The following ELF1 variants were observed in gnomAD, a reference collection of about 807,000 sequenced individuals.
The protein encoded by ELF1 is E74 like ETS transcription factor 1.
Under a neutral mutation model 59.9 loss-of-function variants are expected in ELF1, and 24 were observed. That is an observed-to-expected ratio of 0.40 (90% CI 0.29 to 0.56). The LOEUF (loss-of-function observed/expected upper bound fraction) is 0.56, where lower values mean the gene tolerates loss of function less well. Among genes scored for constraint, ELF1 ranks in the 20% least tolerant of loss-of-function variants. The pLI is 0.44. For synonymous variants in ELF1, 248 were observed against 266.2 expected (o/e 0.93, Z 0.67); for missense variants, 627 against 742.2 (o/e 0.84, Z 1.80).
chr13:40,950,677 A>G (rs1262765378), intron 4 of ELF1, among the ~76,000 whole-genome samples: 2 of 152,188 alleles, frequency 1.3e-5, no homozygotes, highest in Non-Finnish European at 2.9e-5. Flanking sequence ...GCAATTCGCT[A>G]TCACTCTTGT....
rs960292615 is a variant in ELF1 at position 40,933,164 on chromosome 13, T to C, written c.*261A>G. On this transcript the variant is annotated 3_prime_UTR_variant, in exon 9 of 9. Coordinates refer to ENST00000239882, the MANE Select transcript of ELF1 (RefSeq NM_172373.4). The stretch of plus-strand genomic sequence containing the variant: ...AGAAACTTTAAAAATGCTTATGATA[T>C]AGCAACTGAAATAAAAATCTCAAAA... 9.3e-5 allele frequency: 37 copies of C among 397,538 alleles called. No homozygotes were observed. Among genetic ancestry groups the C allele is most frequent in the Admixed American group, 2.1e-4 (5 of 24,200 alleles). The allele number at this position is 397,538 out of a possible 1,614,324, so 24.6% of individuals were successfully genotyped here.
intron 2 of ELF1, among the ~76,000 whole-genome samples, chr13:40,978,420 T>C (rs1341731332): frequency 6.6e-6 from 1 of 151,368 alleles, no homozygotes; most frequent in Non-Finnish European, 1.5e-5. Flanking sequence ...AGAGAGTATA[T>C]ACTAATTTTA....
chr13:40,981,868 A>C, intron 2 of ELF1, 115 bp downstream of exon 2: 1 of 1,190,650 alleles, frequency 8.4e-7, no homozygotes, highest in East Asian at 2.7e-5. Context: ...TTCATCTATA[A>C]ATTTTTACTT....
At chr13:40,955,666 G>A in intron 3 of ELF1, among the ~76,000 whole-genome samples, 3 of 121,550 alleles carry the variant, frequency 2.5e-5, no homozygotes, top group East Asian at 2.6e-4. Context: ...CCCCGTCCGG[G>A]AGGGAGGTGG....
At chr13:40,993,100 A>C (rs1873949526) in intron 1 of ELF1, 1 of 1,607,410 alleles carries the variant, frequency 6.2e-7, no homozygotes, top group Non-Finnish European at 8.5e-7. Flanking sequence ...GACCAGGGCA[A>C]GACTTCCTCT....
chr13:40,936,760 C>CAAAAAAAAA (rs368388366), intron 8 of ELF1, among the ~76,000 whole-genome samples: 4 of 77,012 alleles, frequency 5.2e-5, no homozygotes, highest in East Asian at 4.2e-4. Context: ...GACTCCGTCT[C>CAAAAAAAAA]AAAAAAAAAA....
Position 40,982,183 on chromosome 13 carries a change from G to A in ELF1, c.-129C>T, listed in dbSNP as rs929638293. 3.0e-6 allele frequency: 4 copies of A among 1,318,528 alleles called. No individual in the cohort carries two copies. Among genetic ancestry groups the A allele is most frequent in the South Asian group, 4.7e-5 (2 of 42,546 alleles). 81.7% of individuals were successfully genotyped at this position (1,318,528 alleles called of 1,614,324 possible). On this transcript the variant is annotated 5_prime_UTR_variant, in exon 2 of 9. Coordinates refer to ENST00000239882, the MANE Select transcript of ELF1 (RefSeq NM_172373.4). ...GTCTGTGGAGTAATTGTATACCCAA[G>A]TTTTCTTTAGGGAAGGTGCTTCAGT...
At position 40,940,829 on chromosome 13, in the gene ELF1, T is replaced by A; in HGVS notation, c.1256+92A>T. The A allele has an allele frequency of 7.3e-6, 10 of 1,374,414 alleles. No homozygotes were observed. In the South Asian group the frequency reaches 1.5e-4, roughly 20 times the overall value. The allele number at this position is 1,374,414 out of a possible 1,614,324, so 85.1% of individuals were successfully genotyped here. A position where few individuals can be genotyped will look rare whatever the true frequency, so the allele number is the denominator to read the frequency against. On this transcript the variant is annotated intron_variant, in intron 8 of 8. Transcript: ENST00000239882. ...CTAGCTTGAAACCTTTATACTTTTA[T>A]TTTCATTTCTGAATCTTGACCCACT...
At chr13:40,935,637 G>A (rs986838670) in intron 8 of ELF1, among the ~76,000 whole-genome samples, 8 of 151,706 alleles carry the variant, frequency 5.3e-5, no homozygotes, top group Admixed American at 6.6e-5. Flanking sequence ...GGTGAGATGG[G>A]AGCCTGGGTA....
In ELF1 at chr13:41,037,776, A is replaced by T. The variant is rs550440811; in HGVS notation, c.-229+23062T>A. 1.2e-4 allele frequency among the ~76,000 whole-genome samples: 19 copies of T among 152,112 alleles called. 1 individual carries two copies. In the South Asian group the frequency reaches 3.5e-3, roughly 28 times the overall value. The stretch of plus-strand genomic sequence containing the variant: ...ACACCACTGCACTCCAGCCTGGGCG[A>T]CTAAGCGAGACTCCGTCTCAAAAAA... On this transcript the variant is annotated intron_variant, in intron 1 of 1. Transcript: ENST00000405737.
intron 3 of ELF1, 42 bp downstream of exon 3, chr13:40,958,794 G>A (rs563937817): frequency 6.4e-7 from 1 of 1,573,988 alleles, no homozygotes; most frequent in South Asian, 1.2e-5. Flanking sequence ...ACTGCCTAAA[G>A]CTGTGCTGCA....
intron 1 of ELF1, among the ~76,000 whole-genome samples, chr13:41,011,406 T>C (rs893048614): frequency 5.3e-5 from 8 of 152,284 alleles, no homozygotes; most frequent in East Asian, 1.9e-4. Context: ...CTTATAACAC[T>C]TACATCTGAA....
intron 2 of ELF1, among the ~76,000 whole-genome samples, chr13:40,970,756 G>C (rs1296825878): frequency 6.6e-6 from 1 of 151,982 alleles, no homozygotes; most frequent in East Asian, 1.9e-4. Flanking sequence ...ATGTCACATA[G>C]ATAAACATGT....
chr13:40,956,159 A>G (rs1443353981), intron 3 of ELF1, among the ~76,000 whole-genome samples: 62 of 151,024 alleles, frequency 4.1e-4, no homozygotes, highest in African/African-American at 1.5e-3. Flanking sequence ...AAGACTGAGA[A>G]ATCGGATGGT....
intron 1 of ELF1, among the ~76,000 whole-genome samples, chr13:41,012,001 C>T (rs894894003): frequency 6.6e-6 from 1 of 151,994 alleles, no homozygotes; most frequent in African/African-American, 2.4e-5. Flanking sequence ...TAAACTATAG[C>T]TTACAGATAA....
At chr13:41,040,972 T>C (rs1189667310) in intron 1 of ELF1, among the ~76,000 whole-genome samples, 3 of 152,144 alleles carry the variant, frequency 2.0e-5, no homozygotes, top group Non-Finnish European at 2.9e-5. Flanking sequence ...TGACAAAGAA[T>C]GACCAGGAAA....
At chr13:41,036,727 G>A (rs1690185105) in intron 1 of ELF1, among the ~76,000 whole-genome samples, 1 of 152,146 alleles carries the variant, frequency 6.6e-6, no homozygotes, top group South Asian at 2.1e-4. Context: ...ATGATAGACT[G>A]GATTAAGAAA....
intron 3 of ELF1, 52 bp downstream of exon 3, chr13:40,958,784 A>C: frequency 6.5e-7 from 1 of 1,537,070 alleles, no homozygotes; most frequent in Non-Finnish European, 8.7e-7. Flanking sequence ...GGATTAGGAC[A>C]CTGCCTAAAG....
At chr13:41,048,423 A>C (rs145072266) in intron 1 of ELF1, among the ~76,000 whole-genome samples, 2 of 152,220 alleles carry the variant, frequency 1.3e-5, no homozygotes, top group East Asian at 3.9e-4. Flanking sequence ...GGAACTGCCT[A>C]CAGTCTTTTC....
Sources: gnomAD v4.1 joint callset for allele counts (sites outside exome capture counted in the v4.1 genomes callset) on GRCh38, gnomAD v4.1.1 for gene constraint, MANE v1.5 for transcripts, NCBI Gene and HGNC (gene_info 2026-07-23, HGNC 2026-07-21) for gene names.